FGR: variants seen among roughly 807,000 people sequenced by gnomAD.
FGR encodes the protein tyrosine-protein kinase Fgr.
In FGR, 26 loss-of-function variants were observed where a neutral mutation model predicts 63.2. The ratio of observed to expected loss-of-function variants is 0.41; its 90% CI spans 0.30 to 0.57. FGR has a LOEUF of 0.57. Among genes scored for constraint, FGR ranks in the 20% least tolerant of loss-of-function variants. FGR has a pLI of 0.27. For synonymous variants in FGR, 286 were observed against 277.7 expected, an observed-to-expected ratio of 1.03 and a Z score of -0.30; for missense variants, 511 against 690.8, an observed-to-expected ratio of 0.74 and a Z score of 2.92.
intron 4 of FGR, 45 bp from the exon 5 acceptor site, chr1:27,621,702 C>A: frequency 6.8e-7 from 1 of 1,466,088 alleles, no homozygotes; most frequent in South Asian, 1.1e-5. Flanking sequence ...CTCCAGCCCC[C>A]AAGGCACCCT....
chr1:27,619,188 TTTAA>T (rs899852279), intron 5 of FGR, among the ~76,000 whole-genome samples: 5 of 152,168 alleles, frequency 3.3e-5, no homozygotes, highest in African/African-American at 9.7e-5. Flanking sequence ...TTTAAAAATT[TTTAA>T]TTAATTAATT....
rs371312816 is a variant in FGR, at chr1:27,613,018, G to A, written c.1486C>T (p.Arg496Cys). 118 of 1,614,074 alleles carry A rather than the reference G, an allele frequency of 7.3e-5. No homozygotes were observed. The highest frequency in any genetic ancestry group is 9.7e-5 in the Non-Finnish European group (114 of 1,180,008). ...GTAGGCCTCTCCTCCGGGTCCAGAC[G>A]CCAGGTCTGTTCCATGGCCTCGTAC... ...SLYEAMEQTW[R>C]LDPEERPTFE... Residue 496 changes from arginine to cysteine, a missense_variant, in exon 13 of 13, where the codon CGT (arginine) becomes TGT (cysteine). By Grantham distance (180) the Arg-to-Cys change is radical. Transcript: ENST00000374005.
At chr1:27,619,200 AT>A (rs1249822452) in intron 5 of FGR, among the ~76,000 whole-genome samples, 4 of 151,622 alleles carry the variant, frequency 2.6e-5, no homozygotes, top group Admixed American at 6.6e-5. Flanking sequence ...TAATTAATTA[AT>A]TTTTTTTGAG....
At chr1:27,634,710 C>A (rs541428677) in intron 1 of FGR, among the ~76,000 whole-genome samples, 3 of 152,056 alleles carry the variant, frequency 2.0e-5, no homozygotes, top group African/African-American at 7.2e-5. Context: ...GTTTCTCCCC[C>A]AGACCGTCCT....
At position 27,615,097 on chromosome 1, in the gene FGR, G is replaced by T. The variant is rs1364013371; in HGVS notation, c.1019-171C>A. 6.9e-6 allele frequency among the ~76,000 whole-genome samples: 1 copy of T among 145,290 alleles called. No homozygotes were observed. Among genetic ancestry groups the T allele is most frequent in the East Asian group, 2.2e-4 (1 of 4,512 alleles). ...TCGTCCTGGCCCTGCTGCCAGACACGGACTCTGCCCACATCTCGTTTCTTC... is the reference window on the plus strand; with the variant it reads ...TCGTCCTGGCCCTGCTGCCAGACACTGACTCTGCCCACATCTCGTTTCTTC... On this transcript the variant is annotated intron_variant, in intron 9 of 12. Coordinates refer to ENST00000374005, the MANE Select transcript of FGR (RefSeq NM_005248.3). This position sits in a 1 kb window ranked among gnomAD's most constrained non-coding sequence, Gnocchi z 7.6.
Position 27,613,028 on chromosome 1 carries a change from T to C in FGR, c.1476A>G (p.Glu492=). ...GCPASLYEAM[E]QTWRLDPEER... ...CCTCCGGGTCCAGACGCCAGGTCTG[T>C]TCCATGGCCTCGTACAGGGATGCTG... The change falls in exon 13 of 13, where the codon GAA becomes GAG. Residue 492 remains glutamate, a synonymous_variant. Coordinates refer to ENST00000374005, the MANE Select transcript of FGR (RefSeq NM_005248.3). The C allele has an allele frequency of 6.2e-7, 1 of 1,614,216 alleles. No homozygotes were observed. Among genetic ancestry groups the C allele is most frequent in the Non-Finnish European group, 8.5e-7 (1 of 1,180,026 alleles).
chr1:27,620,834 T>C (rs375159943), intron 5 of FGR, among the ~76,000 whole-genome samples: 3 of 148,770 alleles, frequency 2.0e-5, no homozygotes, highest in African/African-American at 7.4e-5. Flanking sequence ...AAGACCAGCC[T>C]GGGCAATATG....
intron 1 of FGR, among the ~76,000 whole-genome samples, chr1:27,628,151 G>GCACTCCAC (rs1319517893): frequency 2.0e-5 from 3 of 149,302 alleles, no homozygotes; most frequent in Admixed American, 1.3e-4. Context: ...TCCAGCCTGA[G>GCACTCCAC]TGACAGTGAA....
chr1:27,626,859 T>C (rs921315854), intron 1 of FGR, among the ~76,000 whole-genome samples: 2 of 151,918 alleles, frequency 1.3e-5, no homozygotes, highest in Non-Finnish European at 2.9e-5. Context: ...AAAAGAGAGA[T>C]GGGGCTGATA....
In FGR at chr1:27,616,437, C is replaced by G. The variant is rs2089814050; in HGVS notation, c.682+420G>C. 6.6e-6 allele frequency among the ~76,000 whole-genome samples: 1 copy of G among 152,240 alleles called. No homozygotes were observed. The highest frequency in any genetic ancestry group is 1.5e-5 in the Non-Finnish European group (1 of 68,044). On this transcript the variant is annotated intron_variant, in intron 7 of 12. Transcript: ENST00000374005. The surrounding 1 kb of genome is among the most constrained non-coding windows in gnomAD (Gnocchi z 4.3). ...TAATGGACCCCTCACTCTGCCTTGG[C>G]CCCTGGCATCCAAGCTCCACCAGCA...
chr1:27,615,205 A>C lies in FGR; in HGVS notation c.1018+229T>G, dbSNP rs1489589510. Reference sequence around the variant, plus strand: ...TCCCGATTCTGCCTTCGTTAGCCCAAGCCCTACCCGCCTAACACCGGAGGC... The same window carrying C: ...TCCCGATTCTGCCTTCGTTAGCCCACGCCCTACCCGCCTAACACCGGAGGC... On this transcript the variant is annotated intron_variant, in intron 9 of 12. Transcript: ENST00000374005. This position sits in a 1 kb window ranked among gnomAD's most constrained non-coding sequence, Gnocchi z 7.6. Among the ~76,000 whole-genome samples the C allele has an allele frequency of 6.6e-6, 1 of 151,190 alleles. No individual in the cohort carries two copies. The highest frequency in any genetic ancestry group is 1.5e-5 in the Non-Finnish European group (1 of 67,682).
rs1361466036 is a variant in FGR, at chr1:27,616,985, C to T, written c.554G>A (p.Arg185Gln). 3.1e-6 allele frequency: 5 copies of T among 1,614,178 alleles called. No individual in the cohort carries two copies. The highest frequency in any genetic ancestry group is 3.4e-6 in the Non-Finnish European group (4 of 1,180,014). Residue 185 changes from arginine (R) to glutamine (Q), a missense_variant, in exon 7 of 13, where the codon CGG (arginine) becomes CAG (glutamine). By Grantham distance (43) the Arg-to-Gln change is conservative. Coordinates refer to ENST00000374005, the MANE Select transcript of FGR (RefSeq NM_005248.3). This position sits in a 1 kb window ranked among gnomAD's most constrained non-coding sequence, Gnocchi z 4.3. ...ATCGCCTCTGGTCTGATCCCAGTCC[C>T]GGATGGACAGGGAGTAGGCACCTGT... ...TTKGAYSLSI[R>Q]DWDQTRGDHV...
intron 10 of FGR, 119 bp from the exon 11 acceptor site, chr1:27,614,702 G>T (rs2089766790): frequency 7.2e-7 from 1 of 1,380,924 alleles, no homozygotes; most frequent in Non-Finnish European, 1.0e-6. Context: ...CTGAGGCCCA[G>T]AAAGAGAGGC....
At position 27,612,903 on chromosome 1, in the gene FGR, G is replaced by A. The variant is rs1256143868; in HGVS notation, c.*11C>T. ...GTGGCCACCGCCAGAGAGGGTTGAT[G>A]CCCGGACAGGCTATGTCTGATCCCC... On this transcript the variant is annotated 3_prime_UTR_variant, in exon 13 of 13. Coordinates refer to ENST00000374005, the MANE Select transcript of FGR (RefSeq NM_005248.3). 3 of 1,609,910 alleles carry A rather than the reference G, an allele frequency of 1.9e-6. No homozygotes were observed. The African/African-American group carries it at 4.0e-5, about 22-fold the overall frequency.
At chr1:27,628,981 G>A (rs1348236310) in intron 1 of FGR, among the ~76,000 whole-genome samples, 4 of 152,238 alleles carry the variant, frequency 2.6e-5, no homozygotes, top group Non-Finnish European at 5.9e-5. Context: ...GCCCAAGGCA[G>A]GGAGGGGCCA....
chr1:27,626,942 T>A (rs962492933), intron 1 of FGR, among the ~76,000 whole-genome samples: 1 of 151,974 alleles, frequency 6.6e-6, no homozygotes, highest in East Asian at 1.9e-4. Context: ...CGAGGCAGGA[T>A]GATTGCTTGA....
chr1:27,627,919 T>C (rs1344747364), intron 1 of FGR, among the ~76,000 whole-genome samples: 3 of 152,080 alleles, frequency 2.0e-5, no homozygotes, highest in Admixed American at 6.5e-5. Flanking sequence ...TAAGTATTAT[T>C]ATTACTGATG....
chr1:27,619,552 C>T (rs941517439), intron 5 of FGR, among the ~76,000 whole-genome samples: 4 of 152,214 alleles, frequency 2.6e-5, no homozygotes, highest in African/African-American at 9.6e-5. Context: ...CTGCCCTAGC[C>T]CGTTGTGCCC....
chr1:27,617,435 T>C lies in FGR; in HGVS notation c.429-139A>G. 2 of 645,914 alleles carry C rather than the reference T, an allele frequency of 3.1e-6. No individual in the cohort carries two copies. Among genetic ancestry groups the C allele is most frequent in the African/African-American group, 1.8e-5 (1 of 55,700 alleles). 40.0% of individuals were successfully genotyped at this position (645,914 alleles called of 1,614,324 possible). On this transcript the variant is annotated intron_variant, in intron 5 of 12. Transcript: ENST00000374005. This position sits in a 1 kb window ranked among gnomAD's most constrained non-coding sequence, Gnocchi z 4.5. The stretch of plus-strand genomic sequence containing the variant: ...TGGTACACCTGCTTCACATCCTGGC[T>C]GGGAGGGTTACAGAGAAGGGGAGTG...
Sources: allele counts gnomAD v4.1 joint callset (sites outside exome capture counted in the v4.1 genomes callset), GRCh38; gene constraint gnomAD v4.1.1; non-coding constraint Gnocchi (gnomAD v3.1); transcripts MANE v1.5; gene names NCBI Gene and HGNC (gene_info 2026-07-23, HGNC 2026-07-21).